FMN2: variants seen among roughly 807,000 people sequenced by gnomAD.
FMN2 encodes the protein formin-2.
In FMN2, 51 loss-of-function variants were observed where a neutral mutation model predicts 142.3. That is an observed-to-expected ratio of 0.36 (90% CI 0.29 to 0.45). The LOEUF is 0.45. FMN2 is among the 20% of genes least tolerant of loss of function. The probability of loss-of-function intolerance (pLI) is 1.00; values close to 1 mark genes in which losing one functional copy is unlikely to be tolerated. For synonymous variants in FMN2, 882 were observed against 869.8 expected, an observed-to-expected ratio of 1.01 and a Z score of -0.25; for missense variants, 1,936 against 2,122.8, an observed-to-expected ratio of 0.91 and a Z score of 1.73.
intron 14 of FMN2, among the ~76,000 whole-genome samples, chr1:240,371,342 T>G (rs1672858203): frequency 6.6e-6 from 1 of 152,168 alleles, no homozygotes; most frequent in Non-Finnish European, 1.5e-5. Flanking sequence ...CATGGTTAAG[T>G]CTAAGCTTTC....
intron 7 of FMN2, among the ~76,000 whole-genome samples, chr1:240,277,138 C>G (rs572964694): frequency 6.6e-6 from 1 of 152,004 alleles, no homozygotes. Context: ...ATTTAATAAA[C>G]GTAAAATACT....
intron 7 of FMN2, among the ~76,000 whole-genome samples, chr1:240,278,514 G>A (rs902721158): frequency 2.0e-5 from 3 of 152,122 alleles, no homozygotes; most frequent in African/African-American, 4.8e-5. Flanking sequence ...GGCAGGTGAG[G>A]ACAAATCCAC....
At chr1:240,273,583 C>T (rs1004988101) in intron 7 of FMN2, among the ~76,000 whole-genome samples, 3 of 152,046 alleles carry the variant, frequency 2.0e-5, no homozygotes, top group African/African-American at 4.8e-5. Context: ...TTGCTGTGTG[C>T]AGTGCTTTAG....
chr1:240,241,825 CTTTTTTT>C (rs71567282), intron 6 of FMN2, among the ~76,000 whole-genome samples: 87 of 96,208 alleles, frequency 9.0e-4, no homozygotes, highest in African/African-American at 2.7e-3. Flanking sequence ...GTGTGCCTTG[CTTTTTTT>C]TTTTTTTTTT....
At chr1:240,469,400 A>C (rs1315306217) in intron 16 of FMN2, among the ~76,000 whole-genome samples, 1 of 152,176 alleles carries the variant, frequency 6.6e-6, no homozygotes, top group Non-Finnish European at 1.5e-5. Flanking sequence ...TTATGTGTGC[A>C]TAACTAGAGG....
chr1:240,136,804 G>A (rs1439420363), intron 2 of FMN2, among the ~76,000 whole-genome samples: 1 of 152,098 alleles, frequency 6.6e-6, no homozygotes, highest in Non-Finnish European at 1.5e-5. Context: ...CTGGTGCGGT[G>A]GCTCACACCT....
intron 16 of FMN2, among the ~76,000 whole-genome samples, chr1:240,448,877 T>C (rs1447669623): frequency 1.3e-5 from 2 of 152,086 alleles, no homozygotes; most frequent in African/African-American, 4.8e-5. Flanking sequence ...GTAGGGTGGC[T>C]CACACCTGTA....
intron 13 of FMN2, among the ~76,000 whole-genome samples, chr1:240,338,226 C>T (rs10926224): frequency 0.47 from 71,635 of 151,996 alleles, 17,552 homozygotes; most frequent in Admixed American, 0.58. Flanking sequence ...TAAAATTCAT[C>T]AACTATACCT....
chr1:240,341,107 CTCTT>C (rs2103028743), intron 13 of FMN2, among the ~76,000 whole-genome samples: 1 of 152,294 alleles, frequency 6.6e-6, no homozygotes, highest in African/African-American at 2.4e-5. Context: ...CATTCATTCT[CTCTT>C]GACTCTGTTA....
chr1:240,329,533 T>G, intron 10 of FMN2, 65 bp downstream of exon 10: 1 of 1,561,882 alleles, frequency 6.4e-7, no homozygotes. Flanking sequence ...CATGTTCTTA[T>G]TTCAGAAAAG....
intron 14 of FMN2, among the ~76,000 whole-genome samples, chr1:240,392,139 C>G (rs1673624754): frequency 6.6e-6 from 1 of 151,048 alleles, no homozygotes; most frequent in Admixed American, 6.6e-5. Flanking sequence ...CGTGTTTACA[C>G]CTTTGCTTGA....
rs758648934 is a variant in FMN2 at position 240,207,540 on chromosome 1, C to T, written c.2728C>T (p.Pro910Ser). The change falls in exon 5 of 18, where the codon CCC becomes TCC. Residue 910 changes from proline (P) to serine (S), a missense_variant. Around this residue, in one of 8 missense-constraint regions of FMN2, gnomAD observed 478 missense variants for 462.8 expected, o/e 1.03. Transcript: ENST00000319653. ...TCTGCAGGGTACAGAAATGCTGCCA[C>T]CCCCTCCCCCTCCTCTTCCCGGAGC... ...PPLQGTEMLP[P>S]PPPPLPGAGI... The T allele has an allele frequency of 2.1e-5, 33 of 1,606,842 alleles. No individual in the cohort carries two copies. Among genetic ancestry groups the T allele is most frequent in the South Asian group, 2.2e-5 (2 of 91,050 alleles).
intron 2 of FMN2, among the ~76,000 whole-genome samples, chr1:240,140,489 C>A (rs1482599240): frequency 6.6e-6 from 1 of 152,000 alleles, no homozygotes; most frequent in Non-Finnish European, 1.5e-5. Context: ...CAACACAGAT[C>A]CACGCAGGTT....
intron 14 of FMN2, among the ~76,000 whole-genome samples, chr1:240,368,265 A>G (rs374270730): frequency 1.3e-5 from 2 of 152,214 alleles, no homozygotes; most frequent in African/African-American, 4.8e-5. Flanking sequence ...CCACCAAAAC[A>G]AAACTATTAG....
intron 2 of FMN2, among the ~76,000 whole-genome samples, chr1:240,148,242 A>C (rs1385299897): frequency 2.0e-5 from 3 of 151,632 alleles, no homozygotes; most frequent in Non-Finnish European, 4.4e-5. Context: ...AGACCGAGAG[A>C]GACAAACAGA....
At chr1:240,097,646 C>T (rs181946696) in intron 1 of FMN2, among the ~76,000 whole-genome samples, 166 of 152,288 alleles carry the variant, frequency 1.1e-3, no homozygotes, top group African/African-American at 2.4e-3. Flanking sequence ...TGAGCCACCG[C>T]GCCCGGCTAT....
intron 14 of FMN2, among the ~76,000 whole-genome samples, chr1:240,385,270 G>A (rs915065838): frequency 3.9e-5 from 6 of 152,150 alleles, no homozygotes; most frequent in Non-Finnish European, 8.8e-5. Context: ...GCCCTAATGC[G>A]TGTATTTACT....
chr1:240,095,525 G>C (rs138283526), intron 1 of FMN2, among the ~76,000 whole-genome samples: 26 of 152,010 alleles, frequency 1.7e-4, no homozygotes, highest in Admixed American at 6.6e-4. Flanking sequence ...CCTTTCTAAG[G>C]CTCGCTGACT....
At chr1:240,274,591 C>G (rs756415460) in intron 7 of FMN2, among the ~76,000 whole-genome samples, 2 of 151,980 alleles carry the variant, frequency 1.3e-5, no homozygotes, top group African/African-American at 2.4e-5. Context: ...GGTAGAGGAA[C>G]GATTGGTCTG....
Sources: allele counts gnomAD v4.1 joint callset (sites outside exome capture counted in the v4.1 genomes callset), GRCh38; gene constraint gnomAD v4.1.1; regional missense constraint gnomAD v4.1.1; transcripts MANE v1.5; gene names NCBI Gene and HGNC (gene_info 2026-07-23, HGNC 2026-07-21).